The following ZNF621 variants were observed in gnomAD, a reference collection of about 807,000 sequenced individuals.
ZNF621 encodes zinc finger protein 621.
Under a neutral mutation model 12.7 loss-of-function variants are expected in ZNF621, and 6 were observed. That is an observed-to-expected ratio of 0.47 (90% CI 0.26 to 0.93). The LOEUF (loss-of-function observed/expected upper bound fraction) is 0.93, where lower values mean the gene tolerates loss of function less well. ZNF621 is among the 40% of genes least tolerant of loss of function. ZNF621 has a pLI of 0.15. For synonymous variants in ZNF621, 156 were observed against 190.3 expected, an observed-to-expected ratio of 0.82 and a Z score of 1.48; for missense variants, 474 against 524.0, an observed-to-expected ratio of 0.90 and a Z score of 0.93.
chr3:40,525,405 C>A, intron 1 of ZNF621, 131 bp downstream of exon 1: 1 of 234,554 alleles, frequency 4.3e-6, no homozygotes, highest in Non-Finnish European at 8.3e-6. Flanking sequence ...CGCATTCAGC[C>A]ACCCCAGTCC....
In ZNF621 at chr3:40,534,599, A is replaced by C. The variant is rs1339076259; in HGVS notation, c.*1509A>C. On this transcript the variant is annotated 3_prime_UTR_variant, in exon 5 of 5. Coordinates refer to ENST00000339296, the MANE Select transcript of ZNF621 (RefSeq NM_198484.5). The stretch of plus-strand genomic sequence containing the variant: ...AATTACATAGTGTGCTTGTAAAAAG[A>C]AGAGTTTTCTCTCTTGCACAAATTC... The C allele has an allele frequency of 1.3e-5, 2 of 152,106 alleles. No homozygotes were observed. Among genetic ancestry groups the C allele is most frequent in the African/African-American group, 2.4e-5 (1 of 41,398 alleles). 9.4% of individuals were successfully genotyped at this position (152,106 alleles called of 1,614,324 possible).
Position 40,532,301 on chromosome 3 carries a change from G to A in ZNF621, c.531G>A (p.Lys177=), listed in dbSNP as rs936957207. The part of the protein sequence containing the change: ...IRHQMSHTGE[K]PFKCKECGKA... The stretch of plus-strand genomic sequence containing the variant: ...ATCAGATGAGTCATACTGGGGAAAA[G>A]CCCTTTAAGTGTAAGGAGTGTGGCA... Residue 177 remains lysine (K), a synonymous_variant, in exon 5 of 5, where the codon AAG becomes AAA. Transcript: ENST00000339296. The A allele has an allele frequency of 1.2e-6, 2 of 1,612,754 alleles. No individual in the cohort carries two copies.
upstream of ZNF621, among the ~76,000 whole-genome samples, chr3:40,523,800 A>AACAAAAC (rs1553659366): frequency 2.7e-5 from 4 of 147,676 alleles, no homozygotes; most frequent in African/African-American, 1.0e-4. Flanking sequence ...AGCAAAAAAA[A>AACAAAAC]AAAAAACAAA....
rs773307601 is a variant in ZNF621 at position 40,538,007 on chromosome 3, C to T, written c.*4917C>T. Among the ~76,000 whole-genome samples, 1 of 152,210 alleles carries T rather than the reference C, an allele frequency of 6.6e-6. No homozygotes were observed. The highest frequency in any genetic ancestry group is 2.4e-5 in the African/African-American group (1 of 41,444). On this transcript the variant is annotated 3_prime_UTR_variant, in exon 5 of 5. Coordinates refer to ENST00000339296, the MANE Select transcript of ZNF621 (RefSeq NM_198484.5). ...AAAAGCATCAAAGGACAGCTCGTCT[C>T]TCTTGTTAGGGGTTCATGCAGCTGG...
At chr3:40,530,531 A>G (rs933425875) in intron 4 of ZNF621, among the ~76,000 whole-genome samples, 3 of 152,200 alleles carry the variant, frequency 2.0e-5, no homozygotes, top group African/African-American at 4.8e-5. Context: ...TCATGTGGCT[A>G]TCCTCCAAGG....
chr3:40,533,312 T>A lies in ZNF621; in HGVS notation c.*222T>A. 1 of 709,132 alleles carries A rather than the reference T, an allele frequency of 1.4e-6. No homozygotes were observed. The highest frequency in any genetic ancestry group is 2.1e-6 in the Non-Finnish European group (1 of 467,378). 43.9% of individuals were successfully genotyped at this position (709,132 alleles called of 1,614,324 possible). On this transcript the variant is annotated 3_prime_UTR_variant, in exon 5 of 5. Coordinates refer to ENST00000339296, the MANE Select transcript of ZNF621 (RefSeq NM_198484.5). ...CGCCTCACCACGCCCAGCTAATTTC[T>A]GTATTTTTAGAAGAGATGGGGTTTC...
chr3:40,523,745 G>A (rs1255317924), upstream of ZNF621, among the ~76,000 whole-genome samples: 1 of 149,820 alleles, frequency 6.7e-6, no homozygotes, highest in Non-Finnish European at 1.5e-5. Context: ...CAGCCTGGGC[G>A]ACAGAGCGAG....
At chr3:40,530,839 G>T (rs1299584887) in intron 4 of ZNF621, among the ~76,000 whole-genome samples, 1 of 152,112 alleles carries the variant, frequency 6.6e-6, no homozygotes, top group African/African-American at 2.4e-5. Flanking sequence ...GGACTGTAGA[G>T]GAAAGGGCTA....
In ZNF621 at chr3:40,536,837, T is replaced by C. The variant is rs1017091884; in HGVS notation, c.*3747T>C. On this transcript the variant is annotated 3_prime_UTR_variant, in exon 5 of 5. Coordinates refer to ENST00000339296, the MANE Select transcript of ZNF621 (RefSeq NM_198484.5). ...TTTTCAACAGCATGTGCTCATTTCATTTTTCTGTGTCTTACACAGAAACTT... is the reference window on the plus strand; with the variant it reads ...TTTTCAACAGCATGTGCTCATTTCACTTTTCTGTGTCTTACACAGAAACTT... 2 of 152,234 alleles carry C rather than the reference T, an allele frequency of 1.3e-5. No homozygotes were observed. The highest frequency in any genetic ancestry group is 2.9e-5 in the Non-Finnish European group (2 of 68,038). The allele number at this position is 152,234 out of a possible 1,614,324, so 9.4% of individuals were successfully genotyped here. A position where few individuals can be genotyped will look rare whatever the true frequency, so the allele number is the denominator to read the frequency against.
At position 40,532,257 on chromosome 3, in the gene ZNF621, A is replaced by G; in HGVS notation, c.487A>G (p.Asn163Asp). Reference protein sequence around the residue: ...CKECGKIFRYNSKLIRHQMSH... With the variant: ...CKECGKIFRYDSKLIRHQMSH... ...AGAATGTGGGAAAATCTTCCGATATAACTCAAAGCTTATTCGGCATCAGAT... is the reference window on the plus strand; with the variant it reads ...AGAATGTGGGAAAATCTTCCGATATGACTCAAAGCTTATTCGGCATCAGAT... Residue 163 changes from asparagine to aspartate, a missense_variant, in exon 5 of 5, where the codon AAC becomes GAC. Physicochemically the swap from Asn to Asp is conservative, Grantham distance 23. Coordinates refer to ENST00000339296, the MANE Select transcript of ZNF621 (RefSeq NM_198484.5). 1 of 1,614,032 alleles carries G rather than the reference A, an allele frequency of 6.2e-7. No homozygotes were observed. Among genetic ancestry groups the G allele is most frequent in the African/African-American group, 1.3e-5 (1 of 75,080 alleles).
intron 4 of ZNF621, among the ~76,000 whole-genome samples, chr3:40,531,690 GTAGC>G (rs1698729048): frequency 6.6e-6 from 1 of 152,158 alleles, no homozygotes; most frequent in Admixed American, 6.6e-5. Flanking sequence ...AGCCTCCCTA[GTAGC>G]TAGGACCACA....
Position 40,538,238 on chromosome 3 carries a change from T to C in ZNF621, c.*5148T>C, listed in dbSNP as rs1484523724. 2.4e-6 allele frequency: 1 copy of C among 419,976 alleles called. No homozygotes were observed. The allele number at this position is 419,976 out of a possible 1,614,324, so 26.0% of individuals were successfully genotyped here. A position where few individuals can be genotyped will look rare whatever the true frequency, so the allele number is the denominator to read the frequency against. ...ATTAGGAAAAAAGAATTCTGTCAGG[T>C]GTGGTGGCTCACACTTGTAATCCCA... On this transcript the variant is annotated 3_prime_UTR_variant, in exon 5 of 5. Transcript: ENST00000339296.
chr3:40,525,175 G>A lies in ZNF621; in HGVS notation c.-162G>A, dbSNP rs907738593. On this transcript the variant is annotated 5_prime_UTR_variant, in exon 1 of 5. An upstream open reading frame in the 5' UTR gains an earlier in-frame stop. Coordinates refer to ENST00000339296, the MANE Select transcript of ZNF621 (RefSeq NM_198484.5). The stretch of plus-strand genomic sequence containing the variant: ...TGGGCCTCGCCGAAGCCGTCAAGGT[G>A]GCTGCTCGGGCTTCTAGAGCCCGTG... The A allele has an allele frequency of 5.9e-5, 9 of 152,476 alleles. No homozygotes were observed. The highest frequency in any genetic ancestry group is 2.2e-4 in the African/African-American group (9 of 41,460). 9.4% of individuals were successfully genotyped at this position (152,476 alleles called of 1,614,324 possible). A position where few individuals can be genotyped will look rare whatever the true frequency, so the allele number is the denominator to read the frequency against.
At chr3:40,530,394 C>T in intron 4 of ZNF621, 78 bp downstream of exon 4, 3 of 1,163,160 alleles carry the variant, frequency 2.6e-6, no homozygotes, top group Non-Finnish European at 3.8e-6. Flanking sequence ...TCTTATGCTG[C>T]AGGGTACAAA....
chr3:40,532,137 C>G lies in ZNF621; in HGVS notation c.367C>G (p.Gln123Glu), dbSNP rs1158531376. The change falls in exon 5 of 5, where the codon CAG becomes GAG. Residue 123 changes from glutamine to glutamate, a missense_variant. Physicochemically the swap from Gln to Glu is conservative, Grantham distance 29. Transcript: ENST00000339296. ...AGGAGGACTTCTCAGGAACGTTTCT[C>G]AGCACTTTGATTTTAAAAGGAAGGC... ...PVGGLLRNVS[Q>E]HFDFKRKALK... 2 of 1,614,166 alleles carry G rather than the reference C, an allele frequency of 1.2e-6. No homozygotes were observed. The highest frequency in any genetic ancestry group is 2.2e-5 in the South Asian group (2 of 91,082).
chr3:40,533,012 A>G lies in ZNF621; in HGVS notation c.1242A>G (p.Ile414Met), dbSNP rs1698774833. 1.3e-6 allele frequency: 2 copies of G among 1,551,728 alleles called. No individual in the cohort carries two copies. Among genetic ancestry groups the G allele is most frequent in the Non-Finnish European group, 1.7e-6 (2 of 1,147,002 alleles). The stretch of plus-strand genomic sequence containing the variant: ...GAATACCTTCTTCATCTGCCCAAAT[A>G]GTGCGTGTCTTCCAGGGTCTTACTC... ...TSGIPSSSAQ[I>M]VRVFQGLTPT... Residue 414 changes from isoleucine to methionine, a missense_variant, in exon 5 of 5, where the codon ATA becomes ATG. Physicochemically the swap from Ile to Met is conservative, Grantham distance 10 (BLOSUM62 1). Coordinates refer to ENST00000339296, the MANE Select transcript of ZNF621 (RefSeq NM_198484.5).
chr3:40,527,876 G>A (rs938635116), intron 2 of ZNF621, among the ~76,000 whole-genome samples: 26 of 152,124 alleles, frequency 1.7e-4, no homozygotes, highest in African/African-American at 5.8e-4. Flanking sequence ...AGTTTTAGTT[G>A]ATAACAAAAT....
rs1422015502 is a variant in ZNF621, at chr3:40,539,683, C to T, written c.*6593C>T. The T allele has an allele frequency of 1.3e-5, 2 of 152,140 alleles. No individual in the cohort carries two copies. The highest frequency in any genetic ancestry group is 3.8e-4 in the East Asian group (2 of 5,196). The allele number at this position is 152,140 out of a possible 1,614,324, so 9.4% of individuals were successfully genotyped here. On this transcript the variant is annotated 3_prime_UTR_variant, in exon 5 of 5. Transcript: ENST00000339296. ...GTTTATCAGTAATAATATCTTATTT[C>T]ATGGTTGTCCAGAAGTTACATAACT...
chr3:40,532,755 A>G lies in ZNF621; in HGVS notation c.985A>G (p.Lys329Glu), dbSNP rs1422976310. The change falls in exon 5 of 5, where the codon AAA (lysine) becomes GAA (glutamate). Residue 329 changes from lysine (K) to glutamate (E), a missense_variant. Coordinates refer to ENST00000339296, the MANE Select transcript of ZNF621 (RefSeq NM_198484.5). ...ATGTAAGGTGTGTGGGAAAGCCTTC[A>G]AATGGTATGGAAGTTTTGTTCAGCA... ...YECKVCGKAF[K>E]WYGSFVQHQK... is the part of the protein sequence containing the mutation. 1 of 1,614,198 alleles carries G rather than the reference A, an allele frequency of 6.2e-7. No individual in the cohort carries two copies. The highest frequency in any genetic ancestry group is 1.1e-5 in the South Asian group (1 of 91,068).
Sources: gnomAD v4.1 joint callset for allele counts (sites outside exome capture counted in the v4.1 genomes callset) on GRCh38, gnomAD v4.1.1 for gene constraint, MANE v1.5 for transcripts, NCBI Gene and HGNC (gene_info 2026-07-23, HGNC 2026-07-21) for gene names.